The following EDA variants were observed in gnomAD, a reference collection of about 807,000 sequenced individuals.
EDA encodes the protein ectodysplasin A.
A neutral mutation model predicts 23.6 loss-of-function variants in EDA; 2 were observed. That is an observed-to-expected ratio of 0.08 (90% CI 0.03 to 0.27). EDA has a LOEUF of 0.27. Among genes scored for constraint, EDA ranks in the 10% least tolerant of loss-of-function variants. The pLI, the probability that EDA is intolerant of heterozygous loss-of-function variation, is 1.00. For missense variants in EDA, 229 were observed against 324.2 expected, an observed-to-expected ratio of 0.71 and a Z score of 2.26; for synonymous variants, 131 against 132.0, an observed-to-expected ratio of 0.99 and a Z score of 0.05.
chrX:69,840,373 G>T (rs1438118804), intron 1 of EDA, among the ~76,000 whole-genome samples: 1 of 111,230 alleles, frequency 9.0e-6, no homozygotes, highest in Non-Finnish European at 1.9e-5. Context: ...TCCCCCACTG[G>T]AGTGAAAGCA....
intron 1 of EDA, among the ~76,000 whole-genome samples, chrX:69,687,193 C>T (rs890251620): frequency 9.1e-6 from 1 of 109,980 alleles, no homozygotes; most frequent in African/African-American, 3.3e-5. Context: ...TTCATGTGCT[C>T]ATTGGCTACT....
At chrX:69,937,915 T>C in intron 1 of EDA, 8 of 1,203,576 alleles carry the variant, frequency 6.6e-6, no homozygotes, top group Non-Finnish European at 9.0e-6. Context: ...GCAACGTAAT[T>C]ATATTTTCGG....
intron 1 of EDA, among the ~76,000 whole-genome samples, chrX:69,899,927 G>T (rs1467139720): frequency 9.0e-6 from 1 of 111,183 alleles, no homozygotes; most frequent in Non-Finnish European, 1.9e-5. Context: ...GACCCAGACT[G>T]CCCGGATTTG....
intron 1 of EDA, among the ~76,000 whole-genome samples, chrX:69,758,739 GAC>G (rs2014204172): frequency 8.9e-6 from 1 of 112,406 alleles, no homozygotes; most frequent in African/African-American, 3.2e-5. Context: ...AGGAGGCTGA[GAC>G]AGGAGAATCG....
chrX:69,818,494 A>G (rs1386079141), intron 1 of EDA, among the ~76,000 whole-genome samples: 1 of 111,872 alleles, frequency 8.9e-6, no homozygotes, highest in Non-Finnish European at 1.9e-5. Flanking sequence ...AATAAACATG[A>G]GATGAATCAA....
chrX:69,916,783 A>G (rs1335641696), intron 1 of EDA, among the ~76,000 whole-genome samples: 1 of 110,612 alleles, frequency 9.0e-6, no homozygotes, highest in Non-Finnish European at 1.9e-5. Context: ...TGCCTGGTAT[A>G]ATAATACTCT....
At chrX:69,918,814 G>C (rs149664611) in intron 1 of EDA, among the ~76,000 whole-genome samples, 56 of 111,747 alleles carry the variant, frequency 5.0e-4, no homozygotes, top group African/African-American at 1.7e-3. Flanking sequence ...AGATAACTGA[G>C]AGTATTTGTG....
chrX:69,945,903 T>C (rs1006302013), intron 1 of EDA, among the ~76,000 whole-genome samples: 12 of 111,992 alleles, frequency 1.1e-4, no homozygotes, highest in Admixed American at 3.8e-4. Context: ...ACTGAAATAG[T>C]ATTGGCCTGC....
At chrX:69,914,040 A>G (rs2018306571) in intron 1 of EDA, among the ~76,000 whole-genome samples, 1 of 112,197 alleles carries the variant, frequency 8.9e-6, no homozygotes, top group Non-Finnish European at 1.9e-5. Flanking sequence ...ATCACAGCTC[A>G]TTATAACAGA....
At chrX:70,026,264 C>G (rs1207824450) in intron 3 of EDA, among the ~76,000 whole-genome samples, 1 of 111,992 alleles carries the variant, frequency 8.9e-6, no homozygotes, top group African/African-American at 3.2e-5. Context: ...TTGAGTGGAG[C>G]TGCACAGAGC....
In EDA at chrX:69,616,403, C is replaced by T. The variant is rs1273183995; in HGVS notation, c.95C>T (p.Ala32Val). The T allele has an allele frequency of 8.3e-6, 10 of 1,205,510 alleles. No individual in the cohort carries two copies. Among genetic ancestry groups the T allele is most frequent in the South Asian group, 1.8e-5 (1 of 56,477 alleles). ...SQGCGCGGAP[A>V]RAGEGNSCLL... ...GGCTGCGGGTGTGGCGGGGCCCCTG[C>T]CCGGGCGGGCGAAGGGAACAGCTGC... The change falls in exon 1 of 8, where the codon GCC becomes GTC. Residue 32 changes from alanine to valine, a missense_variant. This residue lies in a region of EDA where 54 missense variants were observed against 42.4 expected (regional missense o/e 1.27). Transcript: ENST00000374552.
rs760619194 is a variant in EDA, at chrX:69,783,312, G to A, written c.396+166608G>A. On this transcript the variant is annotated intron_variant, in intron 1 of 7. Transcript: ENST00000374552. The stretch of plus-strand genomic sequence containing the variant: ...TTTATTTCTTATTATTATACTTTAA[G>A]TTTTAGGGTACATGTGCACAATGTG... 6.4e-5 allele frequency among the ~76,000 whole-genome samples: 7 copies of A among 109,481 alleles called. No individual in the cohort carries two copies. In the East Asian group the frequency reaches 2.0e-3, roughly 32 times the overall value.
intron 2 of EDA, among the ~76,000 whole-genome samples, chrX:69,978,222 G>A (rs5980885): frequency 0.34 from 34,267 of 101,460 alleles, 4,641 homozygotes; most frequent in African/African-American, 0.39. Context: ...AGTGAGGCAC[G>A]CCTGTAATTC....
chrX:70,035,044 A>AGGGGT (rs2020246094), intron 7 of EDA, among the ~76,000 whole-genome samples: 1 of 67,457 alleles, frequency 1.5e-5, no homozygotes, highest in Non-Finnish European at 2.7e-5. Context: ...GGGCTGGGGC[A>AGGGGT]GGGGTGGGCG....
chrX:69,681,265 C>A (rs1934337370), intron 1 of EDA, among the ~76,000 whole-genome samples: 1 of 109,994 alleles, frequency 9.1e-6, no homozygotes, highest in Non-Finnish European at 1.9e-5. Context: ...TTTTTTCCTT[C>A]ATTTCAACTT....
chrX:69,893,827 T>C (rs2017968769), intron 1 of EDA, among the ~76,000 whole-genome samples: 1 of 112,261 alleles, frequency 8.9e-6, no homozygotes, highest in Admixed American at 9.5e-5. Flanking sequence ...GTTACTAAAT[T>C]GCTGTGTTTT....
At chrX:70,019,096 T>C (rs1319416205) in intron 2 of EDA, among the ~76,000 whole-genome samples, 1 of 112,022 alleles carries the variant, frequency 8.9e-6, no homozygotes, top group Non-Finnish European at 1.9e-5. Context: ...GAAAAAATGC[T>C]CAGCATCACT....
At chrX:69,725,449 G>A (rs2012756280) in intron 1 of EDA, among the ~76,000 whole-genome samples, 1 of 111,960 alleles carries the variant, frequency 8.9e-6, no homozygotes, top group African/African-American at 3.2e-5. Context: ...TTTGACACTT[G>A]TACTAGACAA....
chrX:69,809,015 C>T (rs759708805), intron 1 of EDA, among the ~76,000 whole-genome samples: 81 of 111,511 alleles, frequency 7.3e-4, no homozygotes, highest in African/African-American at 2.3e-3. Context: ...ATTTCTTGTA[C>T]GCCTTGTTTC....
Sources: gnomAD v4.1 joint callset for allele counts (sites outside exome capture counted in the v4.1 genomes callset) on GRCh38, gnomAD v4.1.1 for gene constraint, gnomAD v4.1.1 regional missense constraint, MANE v1.5 for transcripts, NCBI Gene and HGNC (gene_info 2026-07-23, HGNC 2026-07-21) for gene names.